Variants in LAMA3 observed in about 807,000 individuals in gnomAD.
LAMA3 encodes laminin subunit alpha-3.
In LAMA3, 281 loss-of-function variants were observed where a neutral mutation model predicts 402.0. That is an observed-to-expected ratio of 0.70 (90% CI 0.63 to 0.77). The LOEUF (loss-of-function observed/expected upper bound fraction) is 0.77. Among genes scored for constraint, LAMA3 ranks in the 30% least tolerant of loss-of-function variants. LAMA3 has a pLI of 0.00. For synonymous variants in LAMA3, 1,431 were observed against 1,558.4 expected, an observed-to-expected ratio of 0.92 and a Z score of 1.93; for missense variants, 3,840 against 4,215.5, an observed-to-expected ratio of 0.91 and a Z score of 2.47.
chr18:23,707,550 G>C (rs2060912762), intron 1 of LAMA3, among the ~76,000 whole-genome samples: 1 of 152,210 alleles, frequency 6.6e-6, no homozygotes, highest in African/African-American at 2.4e-5. Context: ...ATTGATGGCA[G>C]TCATCATTGG....
intron 1 of LAMA3, 150 bp downstream of exon 1, chr18:23,690,127 C>T (rs989908937): frequency 3.1e-6 from 2 of 643,616 alleles, no homozygotes; most frequent in Non-Finnish European, 4.9e-6. Flanking sequence ...CGCGAGGGCC[C>T]ACGACCCAGG....
At chr18:23,752,355 C>T (rs1268799315) in intron 5 of LAMA3, among the ~76,000 whole-genome samples, 2 of 152,026 alleles carry the variant, frequency 1.3e-5, no homozygotes, top group Non-Finnish European at 2.9e-5. Flanking sequence ...GCAAGATTTG[C>T]AGTCATATAT....
chr18:23,903,647 T>G (rs1402512578), intron 49 of LAMA3, among the ~76,000 whole-genome samples: 3 of 152,260 alleles, frequency 2.0e-5, no homozygotes, highest in Non-Finnish European at 2.9e-5. Context: ...AAAAGTTCTT[T>G]GGTTTACTAC....
At chr18:23,951,300 C>A (rs574319965) in intron 72 of LAMA3, among the ~76,000 whole-genome samples, 27 of 152,356 alleles carry the variant, frequency 1.8e-4, no homozygotes, top group African/African-American at 6.5e-4. Context: ...AGGCCTCCAC[C>A]AGTAGCTTTG....
chr18:23,866,485 A>T (rs1598954190), intron 36 of LAMA3, among the ~76,000 whole-genome samples: 1 of 152,204 alleles, frequency 6.6e-6, no homozygotes. Flanking sequence ...ACTCCAAGGA[A>T]CCTTTGCAGA....
chr18:23,954,842 A>C lies in LAMA3; in HGVS notation c.*194A>C. ...GTGCTACATGTGTATTTTATATAAAAATCCCATTTCTTGAAGATAAAAAAA... is the reference window on the plus strand; with the variant it reads ...GTGCTACATGTGTATTTTATATAAACATCCCATTTCTTGAAGATAAAAAAA... On this transcript the variant is annotated 3_prime_UTR_variant, in exon 75 of 75. Transcript: ENST00000313654. 1.7e-6 allele frequency: 1 copy of C among 602,468 alleles called. No homozygotes were observed. The highest frequency in any genetic ancestry group is 2.9e-6 in the Non-Finnish European group (1 of 340,646). 37.3% of individuals were successfully genotyped at this position (602,468 alleles called of 1,614,324 possible).
At chr18:23,904,403 T>C (rs1196976124) in intron 50 of LAMA3, 150 bp from the exon 51 acceptor site, 1 of 939,702 alleles carries the variant, frequency 1.1e-6, no homozygotes, top group African/African-American at 1.7e-5. Context: ...AGAGAGACTC[T>C]GCCATCTCTT....
At chr18:23,811,077 G>A (rs1158412085) in intron 13 of LAMA3, among the ~76,000 whole-genome samples, 2 of 152,154 alleles carry the variant, frequency 1.3e-5, no homozygotes, top group East Asian at 3.9e-4. Flanking sequence ...GCAGTTTGGA[G>A]AGAGTGCACT....
intron 2 of LAMA3, among the ~76,000 whole-genome samples, chr18:23,731,325 T>C (rs1460151267): frequency 1.3e-5 from 2 of 152,186 alleles, no homozygotes; most frequent in African/African-American, 4.8e-5. Context: ...ACATATAATG[T>C]CTTGAGGCAT....
At chr18:23,921,696 A>G (rs1026037230) in intron 62 of LAMA3, 111 bp downstream of exon 62, 1 of 1,096,644 alleles carries the variant, frequency 9.1e-7, no homozygotes, top group Non-Finnish European at 1.4e-6. Context: ...AAACACAAAA[A>G]GTTAACTTTT....
chr18:23,773,642 G>A, intron 9 of LAMA3, 55 bp downstream of exon 9: 1 of 1,130,294 alleles, frequency 8.8e-7, no homozygotes. Context: ...CCTCAGCGAA[G>A]TCATCAGGCT....
intron 18 of LAMA3, 43 bp from the exon 19 acceptor site, chr18:23,819,798 T>C (rs768032031): frequency 2.5e-5 from 39 of 1,563,910 alleles, no homozygotes; most frequent in Middle Eastern, 3.3e-4. Context: ...AGATGATCTA[T>C]GGACCTAACC....
intron 10 of LAMA3, among the ~76,000 whole-genome samples, chr18:23,776,470 C>T (rs1007251984): frequency 3.9e-5 from 6 of 152,214 alleles, no homozygotes; most frequent in East Asian, 1.9e-4. Context: ...ACCAGCTATG[C>T]GAACTGTGAT....
chr18:23,766,650 C>T (rs2062080979), intron 8 of LAMA3, among the ~76,000 whole-genome samples: 1 of 152,158 alleles, frequency 6.6e-6, no homozygotes, highest in Admixed American at 6.5e-5. Context: ...CCAGCCTGGC[C>T]ACCATGGTGA....
intron 2 of LAMA3, among the ~76,000 whole-genome samples, chr18:23,724,269 T>C (rs559499932): frequency 6.6e-6 from 1 of 152,350 alleles, no homozygotes; most frequent in African/African-American, 2.4e-5. Context: ...CTTTATTTTC[T>C]ACAATGAGCA....
intron 2 of LAMA3, among the ~76,000 whole-genome samples, chr18:23,745,317 CT>C (rs747876135): frequency 1.3e-5 from 2 of 152,122 alleles, no homozygotes; most frequent in African/African-American, 2.4e-5. Flanking sequence ...AGGCTCCCTT[CT>C]GAGCCACTGA....
chr18:23,909,016 G>A lies in LAMA3; in HGVS notation c.7016-137G>A, dbSNP rs1034850777. On this transcript the variant is annotated intron_variant, in intron 54 of 74. Transcript: ENST00000313654. ...AACCATGGGTAAGGGGGGAACTACC[G>A]TAACTAATTATGACCCATCCTGTTC... 3.0e-4 allele frequency: 238 copies of A among 793,570 alleles called. 3 individuals carry two copies. Among genetic ancestry groups the A allele is most frequent in the Non-Finnish European group, 6.4e-5 (30 of 466,274 alleles). 49.2% of individuals were successfully genotyped at this position (793,570 alleles called of 1,614,324 possible). A position where few individuals can be genotyped will look rare whatever the true frequency, so the allele number is the denominator to read the frequency against.
At chr18:23,834,818 A>G (rs573311579) in intron 24 of LAMA3, 1 of 152,364 alleles carries the variant, frequency 6.6e-6, no homozygotes, top group Non-Finnish European at 1.5e-5. Context: ...AATGAAAACA[A>G]ATAAACAAAT....
At chr18:23,890,796 G>A (rs2080633470) in intron 42 of LAMA3, among the ~76,000 whole-genome samples, 1 of 152,184 alleles carries the variant, frequency 6.6e-6, no homozygotes, top group Non-Finnish European at 1.5e-5. Flanking sequence ...CTGGTCAAGT[G>A]ACTATCCCCA....
Sources: gnomAD v4.1 joint callset for allele counts (sites outside exome capture counted in the v4.1 genomes callset) on GRCh38, gnomAD v4.1.1 for gene constraint, MANE v1.5 for transcripts, NCBI Gene and HGNC (gene_info 2026-07-23, HGNC 2026-07-21) for gene names.